Variants in SEC24D observed in about 807,000 individuals in gnomAD.
The protein encoded by SEC24D is protein transport protein Sec24D.
A neutral mutation model predicts 116.9 loss-of-function variants in SEC24D; 69 were observed. The observed-to-expected ratio is 0.59, with a 90% CI of 0.49 to 0.72. The LOEUF is 0.72. SEC24D is among the 30% of genes least tolerant of loss of function. SEC24D has a pLI of 0.00. For missense variants in SEC24D, 1,131 were observed against 1,264.1 expected (o/e 0.89, Z 1.60); for synonymous variants, 405 against 442.8 (o/e 0.91, Z 1.07).
intron 9 of SEC24D, among the ~76,000 whole-genome samples, chr4:118,767,081 A>C (rs1393056839): frequency 6.6e-6 from 1 of 152,210 alleles, no homozygotes; most frequent in Non-Finnish European, 1.5e-5. Context: ...TGAGTCTAGA[A>C]GCCAATGATT....
chr4:118,784,394 T>C (rs1728569090), intron 8 of SEC24D, among the ~76,000 whole-genome samples: 1 of 152,176 alleles, frequency 6.6e-6, no homozygotes, highest in South Asian at 2.1e-4. Flanking sequence ...CAAAATTATG[T>C]TTGAACTATT....
intron 8 of SEC24D, among the ~76,000 whole-genome samples, chr4:118,777,633 G>C (rs2110482597): frequency 6.6e-6 from 1 of 152,180 alleles, no homozygotes; most frequent in East Asian, 1.9e-4. Flanking sequence ...CCCAGTAATG[G>C]GATTGCTGGG....
At chr4:118,826,127 T>C (rs924286378) in intron 2 of SEC24D, among the ~76,000 whole-genome samples, 2 of 152,106 alleles carry the variant, frequency 1.3e-5, no homozygotes, top group South Asian at 2.1e-4. Flanking sequence ...TAATTCTACA[T>C]AGTTTTACTT....
At position 118,728,613 on chromosome 4, in the gene SEC24D, T is replaced by C; in HGVS notation, c.2906A>G (p.Gln969Arg). 1 of 1,611,488 alleles carries C rather than the reference T, an allele frequency of 6.2e-7. No individual in the cohort carries two copies. The highest frequency in any genetic ancestry group is 8.5e-7 in the Non-Finnish European group (1 of 1,178,226). The change falls in exon 22 of 23, where the codon CAA becomes CGA. Residue 969 changes from glutamine (Q) to arginine (R), a missense_variant. Coordinates refer to ENST00000280551, the MANE Select transcript of SEC24D (RefSeq NM_014822.4). ...LPEVGNPYSQ[Q>R]LRMIMGIIQQ... Reference sequence around the variant, plus strand: ...GATAATACCCATTATCATTCTGAGTTGTTGAGAGTATGGGTTTCCCACTTC... The same window carrying C: ...GATAATACCCATTATCATTCTGAGTCGTTGAGAGTATGGGTTTCCCACTTC...
chr4:118,732,993 A>G (rs767059652), intron 19 of SEC24D, 81 bp from the exon 20 acceptor site: 29 of 1,231,248 alleles, frequency 2.4e-5, no homozygotes, highest in Non-Finnish European at 3.0e-5. Flanking sequence ...AGACTGAAAC[A>G]TTATTTGCTT....
chr4:118,779,532 G>A (rs1245021877), intron 8 of SEC24D, among the ~76,000 whole-genome samples: 3 of 152,110 alleles, frequency 2.0e-5, no homozygotes, highest in Non-Finnish European at 4.4e-5. Flanking sequence ...TTTTTGCATC[G>A]ATGTTCATCA....
chr4:118,817,343 A>T lies in SEC24D; in HGVS notation c.318T>A (p.Ser106=). The change falls in exon 4 of 23, where the codon TCT becomes TCA. Residue 106 remains serine (S), a synonymous_variant. Transcript: ENST00000280551. ...SHAPYQPSAQ[S]SYPGPISTSS... Reference sequence around the variant, plus strand: ...AAGTGGATATAGGACCTGGATAAGAAGATTGTGCAGAGGGTTGGTATGGTG... The same window carrying T: ...AAGTGGATATAGGACCTGGATAAGATGATTGTGCAGAGGGTTGGTATGGTG... 1 of 1,614,058 alleles carries T rather than the reference A, an allele frequency of 6.2e-7. No homozygotes were observed. Among genetic ancestry groups the T allele is most frequent in the Non-Finnish European group, 8.5e-7 (1 of 1,179,942 alleles).
At chr4:118,758,207 T>C (rs917720380) in intron 10 of SEC24D, among the ~76,000 whole-genome samples, 22 of 152,288 alleles carry the variant, frequency 1.4e-4, no homozygotes, top group African/African-American at 4.6e-4. Context: ...GGTCGAAATA[T>C]GTTTGGCACA....
intron 9 of SEC24D, among the ~76,000 whole-genome samples, chr4:118,765,162 A>C (rs1042572308): frequency 6.6e-6 from 1 of 152,212 alleles, no homozygotes; most frequent in South Asian, 2.1e-4. Flanking sequence ...CTAGAGAAAC[A>C]GGGTATAAAA....
intron 22 of SEC24D, among the ~76,000 whole-genome samples, chr4:118,726,632 A>G (rs1289429620): frequency 6.6e-6 from 1 of 152,222 alleles, no homozygotes; most frequent in African/African-American, 2.4e-5. Flanking sequence ...AAAAGGGCCA[A>G]TGGGAAAGGA....
chr4:118,745,539 T>C (rs1340038442), intron 13 of SEC24D, among the ~76,000 whole-genome samples: 1 of 152,138 alleles, frequency 6.6e-6, no homozygotes, highest in Non-Finnish European at 1.5e-5. Context: ...CATAAGAACG[T>C]AGTGGTGGTG....
In SEC24D at chr4:118,745,054, C is replaced by T; in HGVS notation, c.1714G>A (p.Asp572Asn). The change falls in exon 14 of 23, where the codon GAC (aspartate) becomes AAC (asparagine). Residue 572 changes from aspartate to asparagine, a missense_variant. Physicochemically the swap from Asp to Asn is conservative, Grantham distance 23 (BLOSUM62 1). Coordinates refer to ENST00000280551, the MANE Select transcript of SEC24D (RefSeq NM_014822.4). Reference protein sequence around the residue: ...QAGMEALKAADCPGKLFIFHS... With the variant: ...QAGMEALKAANCPGKLFIFHS... Reference sequence around the variant, plus strand: ...AAGATGAACAGCTTCCCAGGACAGTCTGCTGCCTAAAAAAAAAAAAAAACC... The same window carrying T: ...AAGATGAACAGCTTCCCAGGACAGTTTGCTGCCTAAAAAAAAAAAAAAACC... 6.5e-7 allele frequency: 1 copy of T among 1,546,152 alleles called. No individual in the cohort carries two copies. Among genetic ancestry groups the T allele is most frequent in the Non-Finnish European group, 8.8e-7 (1 of 1,139,256 alleles).
In SEC24D at chr4:118,738,370, G is replaced by C; in HGVS notation, c.2387C>G (p.Ala796Gly). ...GACCTTCAAAGGCTGGTGGAGAACT[G>C]CTTTAAAAGCTACATCACAAAACAA... is the stretch of plus-strand genomic sequence containing the variant. Reference protein sequence around the residue: ...INFFAKSAFKAVLHQPLKVIR... With the variant: ...INFFAKSAFKGVLHQPLKVIR... Residue 796 changes from alanine to glycine, a missense_variant, in exon 19 of 23, where the codon GCA becomes GGA. Transcript: ENST00000280551. 2 of 1,601,624 alleles carry C rather than the reference G, an allele frequency of 1.2e-6. No homozygotes were observed. The highest frequency in any genetic ancestry group is 3.3e-5 in the Admixed American group (2 of 59,982).
intron 20 of SEC24D, 86 bp downstream of exon 20, chr4:118,732,647 A>C: frequency 7.9e-7 from 1 of 1,271,472 alleles, no homozygotes; most frequent in Non-Finnish European, 1.1e-6. Context: ...TAAGAACAAC[A>C]TATTTCAGAT....
chr4:118,819,314 G>A (rs1416282210), intron 3 of SEC24D, among the ~76,000 whole-genome samples: 1 of 151,944 alleles, frequency 6.6e-6, no homozygotes, highest in African/African-American at 2.4e-5. Context: ...GGCGGATCAC[G>A]AGGTCAGGAG....
intron 8 of SEC24D, among the ~76,000 whole-genome samples, chr4:118,773,683 C>T (rs567025951): frequency 6.6e-6 from 1 of 152,316 alleles, no homozygotes; most frequent in South Asian, 2.1e-4. Context: ...GATGAGCAGT[C>T]AGTCAGATTC....
At position 118,740,502 on chromosome 4, in the gene SEC24D, C is replaced by A. The variant is rs184458179; in HGVS notation, c.2238+161G>T. ...GCAAATATGAATGAGTATGGAGAAA[C>A]CTCCCAACTGAGTGTTCTAATCTAC... On this transcript the variant is annotated intron_variant, in intron 17 of 22. Coordinates refer to ENST00000280551, the MANE Select transcript of SEC24D (RefSeq NM_014822.4). 4.0e-3 allele frequency among the ~76,000 whole-genome samples: 606 copies of A among 152,198 alleles called. 1 individual carries two copies. The highest frequency in any genetic ancestry group is 0.014 in the African/African-American group (579 of 41,530).
chr4:118,806,745 A>C (rs1416646928), intron 6 of SEC24D, among the ~76,000 whole-genome samples: 1 of 152,194 alleles, frequency 6.6e-6, no homozygotes, highest in Non-Finnish European at 1.5e-5. Context: ...GCACTTTGGG[A>C]GTCCGAGGCG....
Position 118,815,482 on chromosome 4 carries a change from C to T in SEC24D, c.642G>A (p.Gln214=), listed in dbSNP as rs1180383311. Residue 214 remains glutamine, a synonymous_variant, in exon 5 of 23, where the codon CAG becomes CAA. Coordinates refer to ENST00000280551, the MANE Select transcript of SEC24D (RefSeq NM_014822.4). The part of the protein sequence containing the change: ...AQYQPPPLPG[Q]TLGAGYPPQQ... Reference sequence around the variant, plus strand: ...GCGGAGGATATCCAGCACCCAAGGTCTGGCCTGGAAGAGGTGGGGGCTGGT... The same window carrying T: ...GCGGAGGATATCCAGCACCCAAGGTTTGGCCTGGAAGAGGTGGGGGCTGGT... 6.2e-7 allele frequency: 1 copy of T among 1,614,196 alleles called. No individual in the cohort carries two copies. Among genetic ancestry groups the T allele is most frequent in the Non-Finnish European group, 8.5e-7 (1 of 1,180,036 alleles).
Sources: allele counts gnomAD v4.1 joint callset (sites outside exome capture counted in the v4.1 genomes callset), GRCh38; gene constraint gnomAD v4.1.1; transcripts MANE v1.5; gene names NCBI Gene and HGNC (gene_info 2026-07-23, HGNC 2026-07-21).